PCDHA5: variants seen among roughly 807,000 people sequenced by gnomAD.
The protein encoded by PCDHA5 is protocadherin alpha 5.
A neutral mutation model predicts 61.6 loss-of-function variants in PCDHA5; 43 were observed. The ratio of observed to expected loss-of-function variants is 0.70; its 90% CI spans 0.55 to 0.90. The LOEUF (loss-of-function observed/expected upper bound fraction) is 0.90. Among genes scored for constraint, PCDHA5 ranks in the 40% least tolerant of loss-of-function variants. The pLI, the probability that PCDHA5 is intolerant of heterozygous loss-of-function variation, is 0.00. For missense variants in PCDHA5, 1,298 were observed against 1,222.7 expected, an observed-to-expected ratio of 1.06 and a Z score of -0.92; for synonymous variants, 627 against 543.9, an observed-to-expected ratio of 1.15 and a Z score of -2.13.
At chr5:140,970,567 T>G (rs558796957) in intron 1 of PCDHA5, among the ~76,000 whole-genome samples, 7 of 152,284 alleles carry the variant, frequency 4.6e-5, no homozygotes, top group African/African-American at 1.7e-4. Context: ...TCCATATGTA[T>G]GCTTGAAATA....
Position 140,918,290 on chromosome 5 carries a change from C to A in PCDHA5, c.2353-60659C>A, listed in dbSNP as rs188994807. ...TTTATCAGATGTAGGAGCTTTTTGG[C>A]AGAGAATATAGGGTTTTCTAGGTAT... On this transcript the variant is annotated intron_variant, in intron 1 of 3. Transcript: ENST00000529859. Among the ~76,000 whole-genome samples the A allele has an allele frequency of 2.1e-3, 321 of 152,226 alleles. 1 individual carries two copies. Among genetic ancestry groups the A allele is most frequent in the African/African-American group, 7.5e-3 (313 of 41,534 alleles).
At chr5:140,855,274 C>T (rs1395531351) in intron 1 of PCDHA5, among the ~76,000 whole-genome samples, 1 of 149,676 alleles carries the variant, frequency 6.7e-6, no homozygotes, top group Non-Finnish European at 1.5e-5. Flanking sequence ...TTCACTCAAC[C>T]ACCGTATTAC....
intron 3 of PCDHA5, among the ~76,000 whole-genome samples, chr5:140,999,861 A>G (rs1181249308): frequency 6.6e-6 from 1 of 152,184 alleles, no homozygotes; most frequent in Non-Finnish European, 1.5e-5. Flanking sequence ...TTCCGCTCCA[A>G]GATTACTGAA....
chr5:140,842,870 G>A, intron 1 of PCDHA5: 1 of 1,594,050 alleles, frequency 6.3e-7, no homozygotes, highest in Non-Finnish European at 8.6e-7. Flanking sequence ...GAGCGGCAAG[G>A]TGTACGCGCT....
rs371515299 is a variant in PCDHA5, at chr5:140,870,550, G to T, written c.2352+46423G>T. 1.5e-5 allele frequency: 24 copies of T among 1,613,948 alleles called. No individual in the cohort carries two copies. The highest frequency in any genetic ancestry group is 1.6e-4 in the Middle Eastern group (1 of 6,080). ...CACAGTGTCGGCGCGGGACGCGGAC[G>T]CGCAGGAGAACGCGCTGGTGTCCTA... On this transcript the variant is annotated intron_variant, in intron 1 of 3. Transcript: ENST00000529859.
rs2150417290 is a variant in PCDHA5 at position 140,848,687 on chromosome 5, C to G, written c.2352+24560C>G. 1.9e-3 allele frequency: 2,953 copies of G among 1,592,340 alleles called. 211 individuals are homozygous for G. The African/African-American group carries it at 0.035, about 19-fold the overall frequency. The stretch of plus-strand genomic sequence containing the variant: ...TGGCGGAGCTGGTGCCGCGCCTGTT[C>G]CAGTTGGATTCCAAAGGCCGCGGGG... On this transcript the variant is annotated intron_variant, in intron 1 of 3. Transcript: ENST00000529859.
At chr5:140,858,446 T>G (rs782631209) in intron 1 of PCDHA5, 6 of 1,533,560 alleles carry the variant, frequency 3.9e-6, no homozygotes, top group Non-Finnish European at 5.3e-6. Flanking sequence ...GGTGGGTTAT[T>G]ACGTTTTCAT....
At chr5:140,891,963 A>C (rs1202145353) in intron 1 of PCDHA5, among the ~76,000 whole-genome samples, 1 of 152,214 alleles carries the variant, frequency 6.6e-6, no homozygotes, top group African/African-American at 2.4e-5. Flanking sequence ...TGTGAGAAGT[A>C]AATTTCCGTT....
chr5:140,836,604 T>C (rs2150265296), intron 1 of PCDHA5: 1 of 1,613,700 alleles, frequency 6.2e-7, no homozygotes, highest in African/African-American at 1.3e-5. Flanking sequence ...CACTCTGGTG[T>C]GCTCCAGCGC....
intron 1 of PCDHA5, chr5:140,842,864 G>C (rs1554139478): frequency 1.3e-6 from 2 of 1,593,918 alleles, no homozygotes; most frequent in Non-Finnish European, 1.7e-6. Context: ...CACGGAGAGC[G>C]GCAAGGTGTA....
chr5:140,967,566 G>A, intron 1 of PCDHA5: 2 of 1,614,060 alleles, frequency 1.2e-6, no homozygotes, highest in South Asian at 2.2e-5. Context: ...GTCCAGCTAC[G>A]GGAGGACTCA....
At chr5:140,892,144 G>A (rs549500463) in intron 1 of PCDHA5, among the ~76,000 whole-genome samples, 45 of 152,220 alleles carry the variant, frequency 3.0e-4, no homozygotes, top group African/African-American at 1.1e-3. Context: ...TGGTTTTAGC[G>A]TCTATTTCTG....
intron 3 of PCDHA5, among the ~76,000 whole-genome samples, chr5:140,985,932 G>A (rs1554247524): frequency 6.6e-6 from 1 of 151,798 alleles, no homozygotes; most frequent in African/African-American, 2.4e-5. Flanking sequence ...GTAGAGCCGG[G>A]GTTTCACTGT....
chr5:140,833,597 T>C (rs1466793693), intron 1 of PCDHA5, among the ~76,000 whole-genome samples: 1 of 152,196 alleles, frequency 6.6e-6, no homozygotes, highest in Non-Finnish European at 1.5e-5. Flanking sequence ...ATATATAGAT[T>C]CTGCTAAAGC....
At chr5:140,995,543 G>T (rs1243799532) in intron 3 of PCDHA5, among the ~76,000 whole-genome samples, 1 of 152,144 alleles carries the variant, frequency 6.6e-6, no homozygotes, top group African/African-American at 2.4e-5. Flanking sequence ...AATAAGGGGC[G>T]ATCACTGTAC....
intron 1 of PCDHA5, among the ~76,000 whole-genome samples, chr5:140,921,583 TA>T (rs2080282425): frequency 6.6e-6 from 1 of 152,200 alleles, no homozygotes; most frequent in South Asian, 2.1e-4. Flanking sequence ...GCTCATACTA[TA>T]TTATGGTTTC....
At chr5:140,876,499 G>T in intron 1 of PCDHA5, 1 of 1,614,028 alleles carries the variant, frequency 6.2e-7, no homozygotes, top group South Asian at 1.1e-5. Flanking sequence ...AGTTCTGGAC[G>T]TGAATGACAA....
intron 1 of PCDHA5, chr5:140,928,238 A>T (rs147430561): frequency 1.9e-6 from 3 of 1,614,188 alleles, no homozygotes; most frequent in Non-Finnish European, 2.5e-6. Context: ...CCTCAACCCC[A>T]GCAGGAACTT....
chr5:140,927,280 C>G, intron 1 of PCDHA5: 1 of 1,614,178 alleles, frequency 6.2e-7, no homozygotes, highest in Non-Finnish European at 8.5e-7. Flanking sequence ...CGGCGACGTG[C>G]AGCTGCACAT....
Sources: allele counts gnomAD v4.1 joint callset (sites outside exome capture counted in the v4.1 genomes callset), GRCh38; gene constraint gnomAD v4.1.1; transcripts MANE v1.5; gene names NCBI Gene and HGNC (gene_info 2026-07-23, HGNC 2026-07-21).